PPP2R5E: variants seen among roughly 807,000 people sequenced by gnomAD.
The protein encoded by PPP2R5E is protein phosphatase 2 regulatory subunit B'epsilon.
Under a neutral mutation model 65.3 loss-of-function variants are expected in PPP2R5E, and 4 were observed. That is an observed-to-expected ratio of 0.06 (90% CI 0.03 to 0.14). The LOEUF is 0.14. PPP2R5E is among the 10% of genes least tolerant of loss of function. The pLI is 1.00. For synonymous variants in PPP2R5E, 183 were observed against 187.4 expected, an observed-to-expected ratio of 0.98 and a Z score of 0.19; for missense variants, 274 against 556.1, an observed-to-expected ratio of 0.49 and a Z score of 5.10.
At chr14:63,479,770 G>A (rs1890600112) in intron 2 of PPP2R5E, among the ~76,000 whole-genome samples, 2 of 152,102 alleles carry the variant, frequency 1.3e-5, no homozygotes, top group Admixed American at 1.3e-4. Flanking sequence ...CTGATGGAGA[G>A]GGAAGAACTA....
chr14:63,382,801 A>G (rs947988468), intron 12 of PPP2R5E, among the ~76,000 whole-genome samples: 2 of 152,206 alleles, frequency 1.3e-5, no homozygotes, highest in African/African-American at 4.8e-5. Flanking sequence ...ATTTCACCCT[A>G]AAATAAGGAT....
intron 2 of PPP2R5E, among the ~76,000 whole-genome samples, chr14:63,471,604 T>C (rs1465113507): frequency 2.0e-5 from 3 of 152,200 alleles, no homozygotes; most frequent in South Asian, 2.1e-4. Context: ...CCTTTAATCC[T>C]TTCTACAATG....
chr14:63,540,722 C>CAAA (rs554898958), intron 1 of PPP2R5E, among the ~76,000 whole-genome samples: 17 of 91,756 alleles, frequency 1.9e-4, no homozygotes, highest in African/African-American at 6.1e-4. Flanking sequence ...AACTCCTTCT[C>CAAA]AAAAAAAAAA....
At chr14:63,491,894 A>T (rs1190150769) in intron 2 of PPP2R5E, among the ~76,000 whole-genome samples, 6 of 152,250 alleles carry the variant, frequency 3.9e-5, no homozygotes, top group African/African-American at 1.4e-4. Context: ...TCACTTTTTT[A>T]AAATCTGGCT....
intron 4 of PPP2R5E, among the ~76,000 whole-genome samples, chr14:63,419,667 C>T (rs10162568): frequency 0.012 from 1,880 of 151,912 alleles, 43 homozygotes; most frequent in African/African-American, 0.042. Context: ...GCCTAGTGAC[C>T]TAAACTTTAC....
chr14:63,426,564 C>T (rs1337742814), intron 3 of PPP2R5E, among the ~76,000 whole-genome samples: 1 of 151,926 alleles, frequency 6.6e-6, no homozygotes, highest in Admixed American at 6.6e-5. Context: ...AGTCCTAAAG[C>T]ATACGTTAAA....
At chr14:63,431,991 AT>A (rs747249441) in intron 3 of PPP2R5E, among the ~76,000 whole-genome samples, 45 of 152,212 alleles carry the variant, frequency 3.0e-4, no homozygotes, top group Non-Finnish European at 4.6e-4. Context: ...CAGAAAGAAC[AT>A]ATTAAAATGA....
intron 2 of PPP2R5E, among the ~76,000 whole-genome samples, chr14:63,459,806 C>CGG (rs1189020482): frequency 6.6e-6 from 1 of 152,180 alleles, no homozygotes; most frequent in Non-Finnish European, 1.5e-5. Context: ...CTTCTTTCAT[C>CGG]CCCTCCTCCT....
chr14:63,507,324 C>A (rs1415013907), intron 2 of PPP2R5E, among the ~76,000 whole-genome samples: 1 of 152,174 alleles, frequency 6.6e-6, no homozygotes, highest in Admixed American at 6.5e-5. Context: ...AGACCTCTCT[C>A]TTTCCTGGCA....
At chr14:63,457,100 A>G (rs1386727355) in intron 2 of PPP2R5E, among the ~76,000 whole-genome samples, 3 of 152,172 alleles carry the variant, frequency 2.0e-5, no homozygotes, top group Non-Finnish European at 4.4e-5. Context: ...TTCTTCATAT[A>G]ATGTCTGGGC....
At chr14:63,429,682 GTTTT>G (rs1027958937) in intron 3 of PPP2R5E, among the ~76,000 whole-genome samples, 5 of 150,294 alleles carry the variant, frequency 3.3e-5, no homozygotes, top group Non-Finnish European at 7.4e-5. Flanking sequence ...TTTGTTTTTT[GTTTT>G]TTGTTTTTTT....
At chr14:63,388,999 C>T (rs1249534081) in intron 11 of PPP2R5E, among the ~76,000 whole-genome samples, 2 of 152,116 alleles carry the variant, frequency 1.3e-5, no homozygotes, top group Admixed American at 6.5e-5. Context: ...AGTGTTGCCC[C>T]GAGTGGCCAC....
rs56314616 is a variant in PPP2R5E at position 63,430,401 on chromosome 14, GCATA to G, written c.355-8311_355-8308del. On this transcript the variant is annotated intron_variant, in intron 3 of 13. Coordinates refer to ENST00000337537, the MANE Select transcript of PPP2R5E (RefSeq NM_006246.5). ...TGCATACATACATACATACATACAT[GCATA>G]CATACATACATACATGCATACATAC... is the stretch of plus-strand genomic sequence containing the variant. 1.0e-3 allele frequency among the ~76,000 whole-genome samples: 150 copies of G among 143,830 alleles called. 1 individual carries two copies. Among genetic ancestry groups the G allele is most frequent in the Non-Finnish European group, 1.7e-3 (112 of 66,948 alleles). The allele number at this position is 143,830 out of a possible 152,430, so 94.4% of individuals were successfully genotyped here.
At chr14:63,387,989 C>T (rs1178704459) in intron 11 of PPP2R5E, among the ~76,000 whole-genome samples, 2 of 152,208 alleles carry the variant, frequency 1.3e-5, no homozygotes, top group African/African-American at 2.4e-5. Flanking sequence ...TTCTGGCCTC[C>T]AGGGCTGTGA....
At chr14:63,463,330 C>T (rs1193161449) in intron 2 of PPP2R5E, among the ~76,000 whole-genome samples, 1 of 150,734 alleles carries the variant, frequency 6.6e-6, no homozygotes, top group Non-Finnish European at 1.5e-5. Flanking sequence ...TTAGTAGAGA[C>T]GGGGTTTCAC....
chr14:63,386,185 C>CA (rs1221628883), intron 11 of PPP2R5E, among the ~76,000 whole-genome samples: 6 of 152,148 alleles, frequency 3.9e-5, no homozygotes, highest in East Asian at 1.9e-4. Context: ...CAGCTTGGTT[C>CA]AAAAAACAAA....
chr14:63,463,575 A>T (rs10137243), intron 2 of PPP2R5E, among the ~76,000 whole-genome samples: 45,139 of 151,176 alleles, frequency 0.3, 8,407 homozygotes, highest in African/African-American at 0.52. Context: ...CCTTATTTTA[A>T]CAACTTATTT....
rs1457918688 is a variant in PPP2R5E, at chr14:63,512,663, G to A, written c.157+26866C>T. Among the ~76,000 whole-genome samples, 51 of 151,696 alleles carry A rather than the reference G, an allele frequency of 3.4e-4. 1 individual carries two copies. Among genetic ancestry groups the A allele is most frequent in the Admixed American group, 3.3e-3 (50 of 15,214 alleles). On this transcript the variant is annotated intron_variant, in intron 2 of 13. Coordinates refer to ENST00000337537, the MANE Select transcript of PPP2R5E (RefSeq NM_006246.5). ...TAAGTTTCCTCGTATCTCCTTCTAG[G>A]CCATTTCTCTTTTCCAAATTACTTG...
rs140114638 is a variant in PPP2R5E at position 63,382,191 on chromosome 14, T to C, written c.1203-34A>G. On this transcript the variant is annotated intron_variant, in intron 12 of 13. Transcript: ENST00000337537. ...CACAGAAAAAAAGGAGTGTGTTAGT[T>C]AGTCTTATAAAATGGGATACTGAAT... 4,576 of 1,552,574 alleles carry C rather than the reference T, an allele frequency of 2.9e-3. 214 individuals carry two copies. The Admixed American group carries it at 0.073, about 25-fold the overall frequency.
Sources: gnomAD v4.1 joint callset for allele counts (sites outside exome capture counted in the v4.1 genomes callset) on GRCh38, gnomAD v4.1.1 for gene constraint, MANE v1.5 for transcripts, NCBI Gene and HGNC (gene_info 2026-07-23, HGNC 2026-07-21) for gene names.